SFTPD: variants seen among roughly 807,000 people sequenced by gnomAD.
SFTPD encodes surfactant protein D.
A neutral mutation model predicts 34.6 loss-of-function variants in SFTPD; 18 were observed. The observed-to-expected ratio is 0.52, with a 90% CI of 0.36 to 0.77. SFTPD has a LOEUF of 0.77. Among genes scored for constraint, SFTPD ranks in the 30% least tolerant of loss-of-function variants. SFTPD has a pLI of 0.00. For missense variants in SFTPD, 433 were observed against 468.9 expected, an observed-to-expected ratio of 0.92 and a Z score of 0.71; for synonymous variants, 155 against 180.9, an observed-to-expected ratio of 0.86 and a Z score of 1.15.
upstream of SFTPD, among the ~76,000 whole-genome samples, chr10:79,953,864 G>A (rs983969892): frequency 1.3e-5 from 2 of 149,988 alleles, no homozygotes; most frequent in African/African-American, 2.5e-5. Flanking sequence ...TTTTCTTTTT[G>A]TTCCTCTGAT....
intron 1 of SFTPD, among the ~76,000 whole-genome samples, chr10:79,978,646 T>C (rs1002177881): frequency 1.6e-4 from 14 of 85,872 alleles, no homozygotes; most frequent in Non-Finnish European, 2.7e-4. Context: ...AGTGACACCC[T>C]GTCTCAAAAA....
chr10:79,975,860 T>G (rs963797640), intron 1 of SFTPD, among the ~76,000 whole-genome samples: 1 of 152,258 alleles, frequency 6.6e-6, no homozygotes, highest in African/African-American at 2.4e-5. Context: ...GAACATGCCC[T>G]TAAAGCACAG....
chr10:79,965,561 ATTTTTT>A (rs1842799249), intron 1 of SFTPD, among the ~76,000 whole-genome samples: 18 of 84,676 alleles, frequency 2.1e-4, no homozygotes, highest in Admixed American at 9.9e-4. Flanking sequence ...TTAATTTTTT[ATTTTTT>A]ATTTTTTATT....
At chr10:79,960,545 A>G (rs9420677) in intron 1 of SFTPD, among the ~76,000 whole-genome samples, 37,406 of 147,384 alleles carry the variant, frequency 0.25, 5,360 homozygotes, top group Non-Finnish European at 0.32. Context: ...CCCATTCACA[A>G]TTGCTTCAAA....
intron 1 of SFTPD, among the ~76,000 whole-genome samples, chr10:79,961,784 C>T (rs1842774587): frequency 6.6e-6 from 1 of 152,054 alleles, no homozygotes; most frequent in Admixed American, 6.5e-5. Flanking sequence ...CCCAGCCATC[C>T]CATTACTGGG....
rs529632249 is a variant in SFTPD, at chr10:79,957,909, G to A, written c.37-11247C>T. Among the ~76,000 whole-genome samples, 4 of 152,326 alleles carry A rather than the reference G, an allele frequency of 2.6e-5. No homozygotes were observed. In the East Asian group the frequency reaches 7.7e-4, roughly 29 times the overall value. On this transcript the variant is annotated intron_variant, in intron 1 of 5. Transcript: ENST00000444384. ...TAAGGACAGCCAGAGAGAAAGGTCG[G>A]GTTACCCACAACGGGAAGCCCATCA... is the stretch of plus-strand genomic sequence containing the variant.
intron 2 of SFTPD, among the ~76,000 whole-genome samples, chr10:79,943,903 G>A (rs775779702): frequency 3.3e-5 from 5 of 152,228 alleles, no homozygotes; most frequent in Non-Finnish European, 7.3e-5. Context: ...CAAGTCAGCA[G>A]CAGGAAGATG....
intron 1 of SFTPD, chr10:79,970,681 A>T (rs1305823570): frequency 6.6e-6 from 1 of 152,062 alleles, no homozygotes; most frequent in Non-Finnish European, 1.5e-5. Context: ...CATTGTTGGC[A>T]TATGGAAATG....
intron 5 of SFTPD, 62 bp from the exon 6 acceptor site, chr10:79,941,576 T>G: frequency 7.7e-7 from 1 of 1,295,468 alleles, no homozygotes; most frequent in South Asian, 1.4e-5. Flanking sequence ...TTTTTAGCAT[T>G]TTTACCTTCC....
At chr10:79,942,146 T>G in intron 4 of SFTPD, 76 bp from the exon 5 acceptor site, 1 of 1,073,626 alleles carries the variant, frequency 9.3e-7, no homozygotes, top group East Asian at 2.4e-5. Flanking sequence ...CAATGGAGCT[T>G]TTTGCCCGCA....
intron 2 of SFTPD, among the ~76,000 whole-genome samples, chr10:79,944,043 T>A (rs1442977858): frequency 6.6e-6 from 1 of 152,248 alleles, no homozygotes; most frequent in Non-Finnish European, 1.5e-5. Flanking sequence ...CACCCATGCC[T>A]TTCAAAACAC....
At chr10:79,969,487 A>G (rs1466777442) in intron 1 of SFTPD, 1 of 152,100 alleles carries the variant, frequency 6.6e-6, no homozygotes, top group Non-Finnish European at 1.5e-5. Flanking sequence ...AGAAAAAAAA[A>G]ATCTGGATAT....
upstream of SFTPD, among the ~76,000 whole-genome samples, chr10:79,952,963 A>G (rs1842719264): frequency 6.6e-6 from 1 of 152,062 alleles, no homozygotes. Context: ...TTCCCCTCCT[A>G]CCCTCTCCAT....
chr10:79,940,602 G>A, intron 7 of SFTPD, 103 bp downstream of exon 7: 1 of 728,254 alleles, frequency 1.4e-6, no homozygotes, highest in South Asian at 1.6e-5. Flanking sequence ...TCTGCCTCAG[G>A]TCCAGCCAAA....
At chr10:79,938,357 G>T (rs575327936) in intron 7 of SFTPD, 129 bp from the exon 8 acceptor site, 3 of 761,740 alleles carry the variant, frequency 3.9e-6, no homozygotes, top group Non-Finnish European at 4.2e-6. Context: ...GGATGCCAGA[G>T]AGAATGCAAG....
intron 4 of SFTPD, 23 bp downstream of exon 4, chr10:79,942,365 C>T: frequency 1.3e-6 from 2 of 1,495,996 alleles, no homozygotes; most frequent in Non-Finnish European, 1.9e-6. Context: ...CCTTCTCAGA[C>T]TGGCCACAGA....
upstream of SFTPD, chr10:79,951,041 T>C (rs1221278642): frequency 1.3e-5 from 2 of 152,024 alleles, no homozygotes; most frequent in African/African-American, 4.8e-5. Flanking sequence ...TTCTATTTGG[T>C]TTTTGTTTTT....
intron 1 of SFTPD, among the ~76,000 whole-genome samples, chr10:79,963,359 A>C (rs924691113): frequency 3.6e-4 from 55 of 152,060 alleles, no homozygotes; most frequent in Non-Finnish European, 6.9e-4. Flanking sequence ...AAAAAAAAAA[A>C]AAAAACTAGG....
chr10:79,982,058 C>CG (rs1025427651), intron 1 of SFTPD: 10 of 296,730 alleles, frequency 3.4e-5, no homozygotes, highest in East Asian at 7.6e-5. Flanking sequence ...CCTGGACGTG[C>CG]GGGGGGTCTC....
Sources: gnomAD v4.1 joint callset for allele counts (sites outside exome capture counted in the v4.1 genomes callset) on GRCh38, gnomAD v4.1.1 for gene constraint, MANE v1.5 for transcripts, NCBI Gene and HGNC (gene_info 2026-07-23, HGNC 2026-07-21) for gene names.